The following KCNK10 variants were observed in gnomAD, a reference collection of about 807,000 sequenced individuals.
The protein encoded by KCNK10 is potassium two pore domain channel subfamily K member 10, also known as potassium channel subfamily K member 10.
KCNK10 carries 25 observed loss-of-function variants against 47.7 expected under a neutral mutation model. The ratio of observed to expected loss-of-function variants is 0.52; its 90% CI spans 0.38 to 0.73. The LOEUF is 0.73. Among genes scored for constraint, KCNK10 ranks in the 30% least tolerant of loss-of-function variants. The pLI, the probability that KCNK10 is intolerant of heterozygous loss-of-function variation, is 0.00. For synonymous variants in KCNK10, 303 were observed against 285.6 expected (o/e 1.06, Z -0.61); for missense variants, 563 against 714.5 (o/e 0.79, Z 2.42).
intron 1 of KCNK10, among the ~76,000 whole-genome samples, chr14:88,311,459 T>C (rs1888328326): frequency 6.6e-6 from 1 of 151,924 alleles, no homozygotes; most frequent in Admixed American, 6.6e-5. Flanking sequence ...AAAACCCACA[T>C]CTCCAAACAA....
At position 88,191,974 on chromosome 14, in the gene KCNK10, T is replaced by G. The variant is rs181446508; in HGVS notation, c.868+250A>C. 4.6e-5 allele frequency among the ~76,000 whole-genome samples: 7 copies of G among 152,312 alleles called. No homozygotes were observed. The East Asian group carries it at 1.4e-3, about 29-fold the overall frequency. On this transcript the variant is annotated intron_variant, in intron 5 of 6. Coordinates refer to ENST00000319231, the MANE Select transcript of KCNK10 (RefSeq NM_138317.3). ...AAATTCACTTTAGTCTTGCATAATT[T>G]GTGTGACGATAAGGGAAATAAGCAT...
At chr14:88,218,364 A>C (rs1885691812) in intron 4 of KCNK10, among the ~76,000 whole-genome samples, 1 of 152,172 alleles carries the variant, frequency 6.6e-6, no homozygotes, top group Non-Finnish European at 1.5e-5. Flanking sequence ...TCAGTCCACT[A>C]ATTTAACCGT....
chr14:88,222,230 G>GC (rs1045811889), intron 4 of KCNK10, among the ~76,000 whole-genome samples: 1 of 152,108 alleles, frequency 6.6e-6, no homozygotes, highest in Admixed American at 6.6e-5. Flanking sequence ...GGAAAGACTG[G>GC]CCCCCATGAT....
At chr14:88,231,619 C>T (rs972043269) in intron 3 of KCNK10, among the ~76,000 whole-genome samples, 5 of 152,182 alleles carry the variant, frequency 3.3e-5, no homozygotes, top group East Asian at 1.9e-4. Flanking sequence ...AAGCTAGTTA[C>T]GGGGGACCCA....
intron 1 of KCNK10, among the ~76,000 whole-genome samples, chr14:88,278,722 C>G (rs1346671253): frequency 6.6e-6 from 1 of 152,148 alleles, no homozygotes; most frequent in Non-Finnish European, 1.5e-5. Flanking sequence ...TGGATTCAAC[C>G]CATACTTAAT....
chr14:88,289,365 T>C (rs1277156102), intron 1 of KCNK10, among the ~76,000 whole-genome samples: 1 of 152,188 alleles, frequency 6.6e-6, no homozygotes, highest in Non-Finnish European at 1.5e-5. Context: ...ATTAGTGTGG[T>C]GTAAGTGATC....
At chr14:88,273,124 A>C (rs1887446494) in intron 1 of KCNK10, among the ~76,000 whole-genome samples, 1 of 152,204 alleles carries the variant, frequency 6.6e-6, no homozygotes, top group Admixed American at 6.5e-5. Context: ...GGACTGGATG[A>C]AGTGGTCCAG....
chr14:88,297,449 C>T (rs923005139), intron 1 of KCNK10, among the ~76,000 whole-genome samples: 2 of 152,190 alleles, frequency 1.3e-5, no homozygotes, highest in African/African-American at 2.4e-5. Context: ...TAAAACGTAA[C>T]GTGCCTATTG....
chr14:88,289,333 C>T (rs1298413634), intron 1 of KCNK10, among the ~76,000 whole-genome samples: 3 of 152,164 alleles, frequency 2.0e-5, no homozygotes, highest in Non-Finnish European at 4.4e-5. Flanking sequence ...TCACACAGTT[C>T]CTCAGGCTGA....
chr14:88,195,002 T>C lies in KCNK10; in HGVS notation c.682-2592A>G, dbSNP rs539857947. On this transcript the variant is annotated intron_variant, in intron 4 of 6. Transcript: ENST00000319231. ...CAATATCTGTTATTCTAGATACCCA[T>C]GTTTTTGCTGCCCTCTAGGTATTTA... Among the ~76,000 whole-genome samples, 35 of 149,392 alleles carry C rather than the reference T, an allele frequency of 2.3e-4. 1 individual carries two copies. In the South Asian group the frequency reaches 7.3e-3, roughly 31 times the overall value.
At chr14:88,267,332 T>C (rs1887287947) in intron 1 of KCNK10, among the ~76,000 whole-genome samples, 1 of 152,192 alleles carries the variant, frequency 6.6e-6, no homozygotes, top group African/African-American at 2.4e-5. Context: ...GAAAAGGATC[T>C]GGATTGTGCT....
chr14:88,233,629 G>A (rs117929164), intron 3 of KCNK10, among the ~76,000 whole-genome samples: 1,943 of 152,242 alleles, frequency 0.013, 43 homozygotes, highest in East Asian at 0.058. Context: ...CAAAGATTCC[G>A]GTGTAAGCAC....
chr14:88,218,840 TCCTTCA>T (rs1885707656), intron 4 of KCNK10, among the ~76,000 whole-genome samples: 1 of 152,146 alleles, frequency 6.6e-6, no homozygotes, highest in Non-Finnish European at 1.5e-5. Flanking sequence ...ATGTCAGCCC[TCCTTCA>T]TCCCAAATAA....
intron 1 of KCNK10, chr14:88,270,641 G>A: frequency 1.3e-6 from 1 of 770,732 alleles, no homozygotes; most frequent in South Asian, 1.4e-5. Context: ...AGGAAAACAA[G>A]GCAGACTGGG....
chr14:88,201,688 C>T (rs865817691), intron 4 of KCNK10, among the ~76,000 whole-genome samples: 23 of 152,076 alleles, frequency 1.5e-4, no homozygotes, highest in African/African-American at 5.6e-4. Flanking sequence ...TAGAAGGCTA[C>T]ACTGAAGCCT....
upstream of KCNK10, among the ~76,000 whole-genome samples, chr14:88,324,664 AC>A (rs1350359482): frequency 6.6e-6 from 1 of 152,134 alleles, no homozygotes; most frequent in Non-Finnish European, 1.5e-5. Flanking sequence ...GCCTTTACTT[AC>A]GCATAGAAAT....
intron 1 of KCNK10, among the ~76,000 whole-genome samples, chr14:88,265,026 C>A (rs936489434): frequency 6.6e-6 from 1 of 152,220 alleles, no homozygotes; most frequent in Non-Finnish European, 1.5e-5. Context: ...GCCACTGTCA[C>A]ATCTTGCCTG....
chr14:88,302,842 T>C (rs188101217), intron 1 of KCNK10, among the ~76,000 whole-genome samples: 2 of 152,066 alleles, frequency 1.3e-5, no homozygotes, highest in African/African-American at 2.4e-5. Flanking sequence ...TCAGGGAAAA[T>C]GTGGCAGACA....
At chr14:88,310,192 T>TG (rs1352429764) in intron 1 of KCNK10, among the ~76,000 whole-genome samples, 2 of 125,098 alleles carry the variant, frequency 1.6e-5, no homozygotes, top group Admixed American at 7.5e-5. Context: ...ATATACCATA[T>TG]CATATGGTAT....
Sources: gnomAD v4.1 joint callset for allele counts (sites outside exome capture counted in the v4.1 genomes callset) on GRCh38, gnomAD v4.1.1 for gene constraint, MANE v1.5 for transcripts, NCBI Gene and HGNC (gene_info 2026-07-23, HGNC 2026-07-21) for gene names.